HAUS5: variants seen among roughly 807,000 people sequenced by gnomAD.
HAUS5 encodes the protein HAUS augmin-like complex subunit 5.
A neutral mutation model predicts 94.1 loss-of-function variants in HAUS5; 67 were observed. The observed-to-expected ratio is 0.71, with a 90% CI of 0.58 to 0.87. The LOEUF is 0.87. Among genes scored for constraint, HAUS5 ranks in the 40% least tolerant of loss-of-function variants. The pLI is 0.00. For synonymous variants in HAUS5, 339 were observed against 355.4 expected (o/e 0.95, Z 0.52); for missense variants, 739 against 825.6 (o/e 0.90, Z 1.29).
chr19:35,615,130 G>C lies in HAUS5; in HGVS notation c.308G>C (p.Arg103Pro). 6.2e-7 allele frequency: 1 copy of C among 1,610,092 alleles called. No homozygotes were observed. Among genetic ancestry groups the C allele is most frequent in the Non-Finnish European group, 8.5e-7 (1 of 1,178,152 alleles). ...GACCAGAGCCTGGAGCTGATGGAGC[G>C]AGACACTGAGGCTCAGGGTGAGCCA... ...ELDQSLELME[R>P]DTEAQDTAME... The change falls in exon 5 of 19, where the codon CGA becomes CCA. Residue 103 changes from arginine to proline, a missense_variant. Arg to Pro is a moderately radical substitution (Grantham distance 103). Transcript: ENST00000203166.
chr19:35,617,316 G>A lies in HAUS5; in HGVS notation c.585G>A (p.Arg195=). Residue 195 remains arginine (R), a synonymous_variant, in exon 8 of 19, where the codon CGG becomes CGA. Coordinates refer to ENST00000203166, the MANE Select transcript of HAUS5 (RefSeq NM_015302.2). ...ATGTCCGAACAGCCTGCACCCTCCG[G>A]GCCCAGTTCCTGCAGAACCTCCTGC... The part of the protein sequence containing the change: ...LRDVRTACTL[R]AQFLQNLLLP... 1 of 1,613,990 alleles carries A rather than the reference G, an allele frequency of 6.2e-7. No individual in the cohort carries two copies. Among genetic ancestry groups the A allele is most frequent in the South Asian group, 1.1e-5 (1 of 91,074 alleles).
chr19:35,621,910 G>A (rs1380902621), intron 17 of HAUS5, among the ~76,000 whole-genome samples: 1 of 152,210 alleles, frequency 6.6e-6, no homozygotes, highest in Non-Finnish European at 1.5e-5. Context: ...GTCTGCACTT[G>A]CTGAGCTGGG....
chr19:35,617,091 G>A (rs1453239155), intron 6 of HAUS5, 33 bp from the exon 7 acceptor site: 1 of 1,588,460 alleles, frequency 6.3e-7, no homozygotes, highest in East Asian at 2.2e-5. Flanking sequence ...GTTCTCCCAG[G>A]GACCCCAGCC....
At chr19:35,617,059 A>T in intron 6 of HAUS5, 65 bp from the exon 7 acceptor site, 1 of 1,353,986 alleles carries the variant, frequency 7.4e-7, no homozygotes, top group Non-Finnish European at 1.1e-6. Flanking sequence ...TGGCAGTGAG[A>T]GGAGATGGGG....
chr19:35,615,136 C>T lies in HAUS5; in HGVS notation c.314C>T (p.Thr105Ile). 6.2e-7 allele frequency: 1 copy of T among 1,610,534 alleles called. No individual in the cohort carries two copies. Among genetic ancestry groups the T allele is most frequent in the African/African-American group, 1.3e-5 (1 of 74,994 alleles). The part of the protein sequence containing the change: ...DQSLELMERD[T>I]EAQDTAMEQA... The stretch of plus-strand genomic sequence containing the variant: ...AGCCTGGAGCTGATGGAGCGAGACA[C>T]TGAGGCTCAGGGTGAGCCATGGGGC... The change falls in exon 5 of 19, where the codon ACT becomes ATT. Residue 105 changes from threonine (T) to isoleucine (I), a missense_variant. Coordinates refer to ENST00000203166, the MANE Select transcript of HAUS5 (RefSeq NM_015302.2).
chr19:35,619,581 G>C, intron 14 of HAUS5, 32 bp from the exon 15 acceptor site: 1 of 1,584,890 alleles, frequency 6.3e-7, no homozygotes, highest in African/African-American at 1.3e-5. Flanking sequence ...GTGATGTTGT[G>C]ATGCCCCACC....
Position 35,620,224 on chromosome 19 carries a change from C to G in HAUS5, c.1548C>G (p.Ala516=). The G allele has an allele frequency of 6.2e-7, 1 of 1,613,868 alleles. No individual in the cohort carries two copies. The highest frequency in any genetic ancestry group is 8.5e-7 in the Non-Finnish European group (1 of 1,179,906). ...KASELLLPAA[A]SLRQDLLLLQ... ...CGGAGCTGCTCCTGCCGGCGGCTGC[C>G]TCTCTTCGCCAGGACCTTCTGCTCC... is the stretch of plus-strand genomic sequence containing the variant. Residue 516 remains alanine (A), a synonymous_variant, in exon 17 of 19, where the codon GCC becomes GCG. Coordinates refer to ENST00000203166, the MANE Select transcript of HAUS5 (RefSeq NM_015302.2).
chr19:35,617,170 CTG>C lies in HAUS5; in HGVS notation c.533_534del (p.Leu178ArgfsTer9). 3.1e-6 allele frequency: 5 copies of C among 1,614,106 alleles called. No homozygotes were observed. Among genetic ancestry groups the C allele is most frequent in the Non-Finnish European group, 4.2e-6 (5 of 1,179,936 alleles). On this transcript the variant is annotated frameshift_variant, in exon 7 of 19. Transcript: ENST00000203166. LOFTEE classifies it high-confidence loss of function. ...CTTTGGATCCCTCACGTCGGCAGCT[CTG>C]GGCCTGGAGCCCGTGGTCCTGGTAA... Reference protein sequence around the residue: ...VTFGSLTSAALGLEPVVLRDV... With the variant: ...VTFGSLTSAAXGLEPVVLRDV...
Position 35,612,880 on chromosome 19 carries a change from C to T in HAUS5, c.86C>T (p.Ser29Leu). The change falls in exon 1 of 19, where the codon TCG becomes TTG. Residue 29 changes from serine (S) to leucine (L), a missense_variant. Physicochemically the swap from Ser to Leu is moderately radical, Grantham distance 145. Coordinates refer to ENST00000203166, the MANE Select transcript of HAUS5 (RefSeq NM_015302.2). ...GVPVAARAPE[S>L]TLRRLCLGQG... ...CCCGTGGCGGCCCGGGCCCCGGAAT[C>T]GACGCTGCGCAGGTGAGGACCGCTC... is the stretch of plus-strand genomic sequence containing the variant. The T allele has an allele frequency of 1.3e-6, 2 of 1,544,634 alleles. No individual in the cohort carries two copies. The highest frequency in any genetic ancestry group is 1.4e-5 in the African/African-American group (1 of 72,626).
chr19:35,621,640 CT>C (rs1173157458), intron 17 of HAUS5, among the ~76,000 whole-genome samples: 1 of 152,170 alleles, frequency 6.6e-6, no homozygotes, highest in African/African-American at 2.4e-5. Context: ...TCTCACCCTC[CT>C]CATCCAAGTG....
chr19:35,623,346 T>C lies in HAUS5; in HGVS notation c.*353T>C, dbSNP rs1599601086. On this transcript the variant is annotated 3_prime_UTR_variant, in exon 19 of 19. Transcript: ENST00000203166. ...CAGAGTTTACAAGATAAGGAAAATA[T>C]ATATGTAGTATGCTGCAAGTTAACT... 4.6e-6 allele frequency: 1 copy of C among 215,702 alleles called. No homozygotes were observed. The highest frequency in any genetic ancestry group is 9.3e-6 in the Non-Finnish European group (1 of 107,128). 13.4% of individuals were successfully genotyped at this position (215,702 alleles called of 1,614,324 possible). A position where few individuals can be genotyped will look rare whatever the true frequency, so the allele number is the denominator to read the frequency against.
intron 9 of HAUS5, 36 bp downstream of exon 9, chr19:35,617,948 C>G (rs750868685): frequency 2.5e-6 from 4 of 1,611,216 alleles, no homozygotes; most frequent in Non-Finnish European, 3.4e-6. Context: ...GCCACACCCT[C>G]CCGCTCCTTG....
At chr19:35,619,584 G>GCCCCCCCCCCCCCAC in intron 14 of HAUS5, 29 bp from the exon 15 acceptor site, 1 of 1,533,888 alleles carries the variant, frequency 6.5e-7, no homozygotes, top group Non-Finnish European at 8.9e-7. Flanking sequence ...ATGTTGTGAT[G>GCCCCCCCCCCCCCAC]CCCCACCCAC....
At chr19:35,618,042 T>C in intron 9 of HAUS5, 29 bp from the exon 10 acceptor site, 2 of 1,583,416 alleles carry the variant, frequency 1.3e-6, no homozygotes, top group Non-Finnish European at 1.7e-6. Flanking sequence ...GCCCCGATCC[T>C]GCCCTGACTT....
intron 1 of HAUS5, 107 bp from the exon 2 acceptor site, chr19:35,613,623 G>T: frequency 8.4e-6 from 6 of 715,850 alleles, no homozygotes; most frequent in Non-Finnish European, 1.3e-5. Flanking sequence ...CCCTCCTCAA[G>T]AAGTGAGAAC....
At chr19:35,613,590 A>AT in intron 1 of HAUS5, 140 bp from the exon 2 acceptor site, 1 of 604,864 alleles carries the variant, frequency 1.7e-6, no homozygotes, top group Non-Finnish European at 2.9e-6. Context: ...AAAAAAAAAA[A>AT]GGCAAAAAAA....
At chr19:35,620,393 TC>T in intron 17 of HAUS5, 66 bp downstream of exon 17, 1 of 1,472,576 alleles carries the variant, frequency 6.8e-7, no homozygotes, top group Non-Finnish European at 9.3e-7. Flanking sequence ...CCTCCACGAG[TC>T]CTTACCAGCA....
intron 11 of HAUS5, 30 bp from the exon 12 acceptor site, chr19:35,618,539 G>A: frequency 6.2e-7 from 1 of 1,611,514 alleles, no homozygotes; most frequent in Non-Finnish European, 8.5e-7. Context: ...CATGCCCTGG[G>A]TGTACCCTGA....
rs764711648 is a variant in HAUS5, at chr19:35,619,071, C to T, written c.1179+22C>T. 4.5e-6 allele frequency: 7 copies of T among 1,550,426 alleles called. No individual in the cohort carries two copies. In the Admixed American group the frequency reaches 1.2e-4, roughly 27 times the overall value. ...GGTGGTGAGAGGCTAGGCCCAGGGC[C>T]TTGTGGAGGGCCAGAGGGGAGGCTT... On this transcript the variant is annotated intron_variant, in intron 13 of 18. Transcript: ENST00000203166.
Sources: gnomAD v4.1 joint callset for allele counts (sites outside exome capture counted in the v4.1 genomes callset) on GRCh38, gnomAD v4.1.1 for gene constraint, MANE v1.5 for transcripts, NCBI Gene and HGNC (gene_info 2026-07-23, HGNC 2026-07-21) for gene names.